Variants in POU2F1 observed in about 807,000 individuals in gnomAD.
The protein encoded by POU2F1 is POU class 2 homeobox 1.
Under a neutral mutation model 84.9 loss-of-function variants are expected in POU2F1, and 16 were observed. The observed-to-expected ratio is 0.19, with a 90% CI of 0.13 to 0.29. The LOEUF (loss-of-function observed/expected upper bound fraction) is 0.29. Among genes scored for constraint, POU2F1 ranks in the 10% least tolerant of loss-of-function variants. The pLI is 1.00. For missense variants in POU2F1, 738 were observed against 942.6 expected (o/e 0.78, Z 2.84); for synonymous variants, 368 against 368.3 (o/e 1.00, Z 0.01).
chr1:167,221,441 G>T (rs1648165479), intron 1 of POU2F1, among the ~76,000 whole-genome samples: 1 of 149,264 alleles, frequency 6.7e-6, no homozygotes. Flanking sequence ...GCGCGGGGTG[G>T]GGGGCGTGAA....
chr1:167,412,077 C>T lies in POU2F1; in HGVS notation c.1674C>T (p.Ser558=), dbSNP rs760462687. The T allele has an allele frequency of 9.9e-6, 16 of 1,614,088 alleles. No homozygotes were observed. In the Admixed American group the frequency reaches 1.7e-4, roughly 17 times the overall value. Residue 558 remains serine, a synonymous_variant, in exon 14 of 16, where the codon TCC becomes TCT. Coordinates refer to ENST00000367866, the MANE Select transcript of POU2F1 (RefSeq NM_002697.4). ...SPSPSASAST[S]EASSASETST... ...CCCCTTCTGCCTCAGCCTCCACCTC[C>T]GAGGCATCCAGTGCCAGTGAGACCA...
intron 1 of POU2F1, among the ~76,000 whole-genome samples, chr1:167,237,605 C>G (rs898778796): frequency 2.0e-5 from 3 of 151,560 alleles, no homozygotes; most frequent in African/African-American, 7.3e-5. Context: ...TTTGTACTAC[C>G]ATTTGTCTGA....
intron 2 of POU2F1, among the ~76,000 whole-genome samples, chr1:167,350,858 C>T (rs907033281): frequency 1.3e-5 from 2 of 151,186 alleles, no homozygotes; most frequent in Non-Finnish European, 2.9e-5. Context: ...ATTAGCCAGG[C>T]GTGGTGGCGC....
At chr1:167,351,935 TGAC>T (rs1417157900) in intron 2 of POU2F1, among the ~76,000 whole-genome samples, 6 of 152,064 alleles carry the variant, frequency 3.9e-5, no homozygotes, top group Non-Finnish European at 8.8e-5. Context: ...TGTGGAAAAA[TGAC>T]AACAGGAATA....
chr1:167,411,405 G>A (rs79093538), intron 13 of POU2F1, among the ~76,000 whole-genome samples: 1 of 144,680 alleles, frequency 6.9e-6, no homozygotes, highest in Non-Finnish European at 1.5e-5. Context: ...ATTGTATGTT[G>A]TTTTTTTTTT....
At chr1:167,390,381 A>G (rs1488534235) in intron 9 of POU2F1, among the ~76,000 whole-genome samples, 1 of 152,252 alleles carries the variant, frequency 6.6e-6, no homozygotes, top group East Asian at 1.9e-4. Context: ...TGTTATTTGA[A>G]GAATATCTGG....
intron 1 of POU2F1, among the ~76,000 whole-genome samples, chr1:167,264,970 C>A (rs1376085057): frequency 6.6e-6 from 1 of 152,188 alleles, no homozygotes; most frequent in African/African-American, 2.4e-5. Flanking sequence ...TAGTTCACTT[C>A]CTAACCTCCT....
intron 9 of POU2F1, among the ~76,000 whole-genome samples, chr1:167,393,254 G>A (rs1464169075): frequency 6.6e-6 from 1 of 152,088 alleles, no homozygotes; most frequent in Non-Finnish European, 1.5e-5. Flanking sequence ...TCACGAAAGA[G>A]CATTAAACCA....
Position 167,248,262 on chromosome 1 carries a change from T to G in POU2F1, c.61+27304T>G, listed in dbSNP as rs1206351688. Among the ~76,000 whole-genome samples, 5 of 152,348 alleles carry G rather than the reference T, an allele frequency of 3.3e-5. No individual in the cohort carries two copies. The South Asian group carries it at 1.0e-3, about 32-fold the overall frequency. Reference sequence around the variant, plus strand: ...CAAGACAGCAAGTTAGTAGATGAACTTAATGGATGAATTTGTTTTGCTTTG... The same window carrying G: ...CAAGACAGCAAGTTAGTAGATGAACGTAATGGATGAATTTGTTTTGCTTTG... On this transcript the variant is annotated intron_variant, in intron 1 of 15. Transcript: ENST00000367866.
At chr1:167,243,554 C>T (rs912429072) in intron 1 of POU2F1, among the ~76,000 whole-genome samples, 6 of 152,222 alleles carry the variant, frequency 3.9e-5, no homozygotes, top group African/African-American at 1.4e-4. Flanking sequence ...TGGCTCACTG[C>T]AACCTCTGCC....
At chr1:167,315,803 C>CT in intron 1 of POU2F1, among the ~76,000 whole-genome samples, 2 of 141,596 alleles carry the variant, frequency 1.4e-5, no homozygotes, top group South Asian at 4.3e-4. Flanking sequence ...TACCCCATCT[C>CT]TTTAAAAAAA....
chr1:167,373,968 AT>A, intron 5 of POU2F1, 139 bp from the exon 6 acceptor site: 1 of 728,412 alleles, frequency 1.4e-6, no homozygotes. Context: ...ACTGATGAAC[AT>A]TTTAGCTGTC....
intron 1 of POU2F1, among the ~76,000 whole-genome samples, chr1:167,318,667 T>C (rs1656092783): frequency 6.6e-6 from 1 of 152,178 alleles, no homozygotes; most frequent in South Asian, 2.1e-4. Flanking sequence ...CCAGCCAAGA[T>C]TGATAGCGAG....
At chr1:167,333,728 G>GT (rs1657229903) in intron 2 of POU2F1, among the ~76,000 whole-genome samples, 3 of 152,172 alleles carry the variant, frequency 2.0e-5, no homozygotes, top group African/African-American at 7.2e-5. Flanking sequence ...GACTTCTGTA[G>GT]TATCTCTTAA....
intron 8 of POU2F1, 95 bp from the exon 9 acceptor site, chr1:167,389,493 C>T (rs1648230400): frequency 3.0e-6 from 4 of 1,339,452 alleles, no homozygotes; most frequent in African/African-American, 2.9e-5. Flanking sequence ...CATCGTTATC[C>T]ATAAATGTGG....
rs964368454 is a variant in POU2F1 at position 167,302,266 on chromosome 1, CT to C, written c.62-30191del. On this transcript the variant is annotated intron_variant, in intron 1 of 15. Coordinates refer to ENST00000367866, the MANE Select transcript of POU2F1 (RefSeq NM_002697.4). ...ACCCGGCTAATTTTTTTTTTCTTTT[CT>C]TTTTTTTTTTTTGAGACAGCATCTC... Among the ~76,000 whole-genome samples, 336 of 143,378 alleles carry C rather than the reference CT, an allele frequency of 2.3e-3. 1 individual carries two copies. The highest frequency in any genetic ancestry group is 3.6e-3 in the Middle Eastern group (1 of 274). 94.1% of individuals were successfully genotyped at this position (143,378 alleles called of 152,430 possible). A position where few individuals can be genotyped will look rare whatever the true frequency, so the allele number is the denominator to read the frequency against.
intron 2 of POU2F1, among the ~76,000 whole-genome samples, chr1:167,364,898 A>T (rs1479687421): frequency 1.3e-5 from 2 of 152,194 alleles, no homozygotes; most frequent in Non-Finnish European, 2.9e-5. Context: ...ATATAATTAC[A>T]GCAGGGCCCT....
chr1:167,389,830 T>G (rs1648264269), intron 9 of POU2F1, 69 bp downstream of exon 9: 1 of 1,518,288 alleles, frequency 6.6e-7, no homozygotes, highest in South Asian at 1.2e-5. Flanking sequence ...CTCTCTGTAT[T>G]CATGGATTCC....
intron 13 of POU2F1, among the ~76,000 whole-genome samples, chr1:167,403,136 T>C (rs372124575): frequency 4.7e-5 from 7 of 148,016 alleles, no homozygotes; most frequent in African/African-American, 1.7e-4. Context: ...GTGATTTTTT[T>C]CTGACACGTT....
Sources: allele counts gnomAD v4.1 joint callset (sites outside exome capture counted in the v4.1 genomes callset), GRCh38; gene constraint gnomAD v4.1.1; transcripts MANE v1.5; gene names NCBI Gene and HGNC (gene_info 2026-07-23, HGNC 2026-07-21).